CACNA1S: variants seen among roughly 807,000 people sequenced by gnomAD.
CACNA1S encodes the protein voltage-dependent L-type calcium channel subunit alpha-1S.
In CACNA1S, 126 loss-of-function variants were observed where a neutral mutation model predicts 207.4. The observed-to-expected ratio is 0.61, with a 90% confidence interval of 0.53 to 0.70. The LOEUF is 0.70. Ranked by LOEUF, CACNA1S falls within the 30% of genes least tolerant of loss-of-function variation. The probability of loss-of-function intolerance (pLI) is 0.00; values close to 1 mark genes in which losing one functional copy is unlikely to be tolerated. For missense variants in CACNA1S, 2,349 were observed against 2,422.8 expected, an observed-to-expected ratio of 0.97 and a Z score of 0.64; for synonymous variants, 960 against 932.7, an observed-to-expected ratio of 1.03 and a Z score of -0.53.
Position 201,053,576 on chromosome 1 carries a change from C to G in CACNA1S, c.3678G>C (p.Glu1226Asp), listed in dbSNP as rs769524894. ...GGGCGNVDPD[E>D]SARISSAFFR... is the part of the protein sequence containing the mutation. Reference sequence around the variant, plus strand: ...AGAAGGCGCTGGAGATGCGGGCACTCTCATCTGGGTCCTGCGGGGCAGCAG... The same window carrying G: ...AGAAGGCGCTGGAGATGCGGGCACTGTCATCTGGGTCCTGCGGGGCAGCAG... The change falls in exon 30 of 44, where the codon GAG becomes GAC. Residue 1226 changes from glutamate to aspartate, a missense_variant. Transcript: ENST00000362061. The surrounding 1 kb of genome is among the most constrained non-coding windows in gnomAD (Gnocchi z 5.1). The G allele has an allele frequency of 1.9e-6, 3 of 1,613,806 alleles. No individual in the cohort carries two copies. The highest frequency in any genetic ancestry group is 1.7e-5 in the Admixed American group (1 of 59,994).
intron 23 of CACNA1S, 76 bp downstream of exon 23, chr1:201,062,386 G>A (rs985243038): frequency 1.1e-5 from 16 of 1,422,022 alleles, no homozygotes; most frequent in African/African-American, 8.4e-5. Context: ...CCCTCCCACA[G>A]TGCTCCCTGC....
In CACNA1S at chr1:201,043,269, G is replaced by A; in HGVS notation, c.5048+12C>T. 6 of 1,614,146 alleles carry A rather than the reference G, an allele frequency of 3.7e-6. No homozygotes were observed. The highest frequency in any genetic ancestry group is 4.2e-6 in the Non-Finnish European group (5 of 1,180,036). ...TACCTCTACACCCAGGGATGGCAGT[G>A]GCCGCCACTACCTGGAAAACACATG... On this transcript the variant is annotated intron_variant, in intron 40 of 43. Coordinates refer to ENST00000362061, the MANE Select transcript of CACNA1S (RefSeq NM_000069.3).
At chr1:201,062,184 G>C in intron 23 of CACNA1S, 94 bp from the exon 24 acceptor site, 1 of 1,479,250 alleles carries the variant, frequency 6.8e-7, no homozygotes, top group Non-Finnish European at 9.3e-7. Context: ...GTGTGAAGGA[G>C]AAATGAAGTT....
rs773299419 is a variant in CACNA1S at position 201,112,172 on chromosome 1, G to A, written c.152+16C>T. 2.7e-5 allele frequency: 44 copies of A among 1,606,446 alleles called. No homozygotes were observed. The Admixed American group carries it at 5.2e-4, about 19-fold the overall frequency. ...TGACGCACACCCCCCCCCACGGCCC[G>A]GGCCCTGAAGGATACTTCCATTCTA... On this transcript the variant is annotated intron_variant, in intron 1 of 43. Coordinates refer to ENST00000362061, the MANE Select transcript of CACNA1S (RefSeq NM_000069.3).
At position 201,043,304 on chromosome 1, in the gene CACNA1S, A is replaced by G. The variant is rs751492580; in HGVS notation, c.5025T>C (p.His1675=). Residue 1675 remains histidine (H), a synonymous_variant, in exon 40 of 44, where the codon CAT becomes CAC. Coordinates refer to ENST00000362061, the MANE Select transcript of CACNA1S (RefSeq NM_000069.3). The part of the protein sequence containing the change: ...NANVAYGNSN[H]SNSHVFSSVH... ...ACCTGGAAAACACATGGCTGTTGCT[A>G]TGGTTGCTGTTGCCATAGGCGACAT... 15 of 1,614,114 alleles carry G rather than the reference A, an allele frequency of 9.3e-6. No individual in the cohort carries two copies. The highest frequency in any genetic ancestry group is 7.7e-5 in the South Asian group (7 of 91,084).
At chr1:201,054,330 G>C (rs1304030521) in intron 29 of CACNA1S, among the ~76,000 whole-genome samples, 175 bp downstream of exon 29, 1 of 152,174 alleles carries the variant, frequency 6.6e-6, no homozygotes, top group Admixed American at 6.5e-5. Flanking sequence ...ACACTTGACT[G>C]CAGAGCCTCT....
intron 26 of CACNA1S, among the ~76,000 whole-genome samples, chr1:201,059,790 C>T (rs558364651): frequency 6.6e-6 from 1 of 152,354 alleles, no homozygotes; most frequent in African/African-American, 2.4e-5. Flanking sequence ...CACACCACCC[C>T]CAGTGATTAT....
intron 2 of CACNA1S, among the ~76,000 whole-genome samples, chr1:201,102,501 A>G (rs902718649): frequency 6.6e-6 from 1 of 152,184 alleles, no homozygotes; most frequent in African/African-American, 2.4e-5. Context: ...TTCCATCAGC[A>G]AGCAACAGGA....
Position 201,077,886 on chromosome 1 carries a change from T to G in CACNA1S, c.1612A>C (p.Ile538Leu), listed in dbSNP as rs907125046. ...RCIRLLRIFK[I>L]TKYWTSLSNL... ...GCCGACCCCGGCACTCACTTGGTGA[T>G]CTTGAAGATCCTCAGGAGGCGGATG... The change falls in exon 11 of 44, where the codon ATC becomes CTC. Residue 538 changes from isoleucine to leucine, a missense_variant. Transcript: ENST00000362061. The G allele has an allele frequency of 9.3e-6, 15 of 1,613,308 alleles. No homozygotes were observed. Among genetic ancestry groups the G allele is most frequent in the Non-Finnish European group, 1.3e-5 (15 of 1,179,376 alleles).
intron 19 of CACNA1S, among the ~76,000 whole-genome samples, chr1:201,067,988 C>T (rs1295485088): frequency 6.6e-6 from 1 of 152,294 alleles, no homozygotes; most frequent in East Asian, 1.9e-4. Flanking sequence ...TAGATGGGTT[C>T]TCCTTCTGCC....
At chr1:201,087,952 C>G (rs1374808972) in intron 6 of CACNA1S, 23 bp from the exon 7 acceptor site, 1 of 1,513,258 alleles carries the variant, frequency 6.6e-7, no homozygotes, top group African/African-American at 1.4e-5. Context: ...GAAGTGTGAT[C>G]CTCTGAGTTG....
intron 6 of CACNA1S, 145 bp downstream of exon 6, chr1:201,089,113 A>G (rs552242178): frequency 6.6e-6 from 5 of 755,522 alleles, no homozygotes; most frequent in Non-Finnish European, 1.2e-5. Flanking sequence ...TCCTGTATAG[A>G]TTCCCCAGGG....
chr1:201,040,291 C>T lies in CACNA1S; in HGVS notation c.5310G>A (p.Arg1770=). The T allele has an allele frequency of 6.2e-7, 1 of 1,613,864 alleles. No individual in the cohort carries two copies. The highest frequency in any genetic ancestry group is 1.7e-4 in the Middle Eastern group (1 of 5,996). The change falls in exon 43 of 44, where the codon AGG becomes AGA. Residue 1770 remains arginine (R), a synonymous_variant. Transcript: ENST00000362061. ...GSLHEETPHS[R]STRENTSRCS... ...ACCTGGAAGTATTCTCCCTGGTGCTCCTGCTGTGGGGTGTCTCCTCATGAA... is the reference window on the plus strand; with the variant it reads ...ACCTGGAAGTATTCTCCCTGGTGCTTCTGCTGTGGGGTGTCTCCTCATGAA...
At position 201,043,387 on chromosome 1, in the gene CACNA1S, G is replaced by A; in HGVS notation, c.4942C>T (p.Pro1648Ser). Reference sequence around the variant, plus strand: ...AGGGGGTTGGTGCGTGGATCTTGTGGGAAGTCCTCCAAGAAGACAGGTGAC... The same window carrying A: ...AGGGGGTTGGTGCGTGGATCTTGTGAGAAGTCCTCCAAGAAGACAGGTGAC... ...MESPVFLEDFPQDPRTNPLAR... is the reference protein window; with the variant it reads ...MESPVFLEDFSQDPRTNPLAR... Residue 1648 changes from proline (P) to serine (S), a missense_variant, in exon 40 of 44, where the codon CCA (proline) becomes TCA (serine). Physicochemically the swap from Pro to Ser is moderately conservative, Grantham distance 74 (BLOSUM62 -1). Coordinates refer to ENST00000362061, the MANE Select transcript of CACNA1S (RefSeq NM_000069.3). 1 of 1,614,152 alleles carries A rather than the reference G, an allele frequency of 6.2e-7. No homozygotes were observed. The highest frequency in any genetic ancestry group is 8.5e-7 in the Non-Finnish European group (1 of 1,180,030).
At position 201,075,508 on chromosome 1, in the gene CACNA1S, G is replaced by A. The variant is rs550584336; in HGVS notation, c.1935C>T (p.Phe645=). The change falls in exon 13 of 44, where the codon TTC becomes TTT. Residue 645 remains phenylalanine, a synonymous_variant. Transcript: ENST00000362061. ...CCGAGAGGATACAGTTGCCACAGACGAAAAGGATGATGAAGTAAATGCACA... is the reference window on the plus strand; with the variant it reads ...CCGAGAGGATACAGTTGCCACAGACAAAAAGGATGATGAAGTAAATGCACA... ...MLVCIYFIIL[F]VCGNYILLNV... 156 of 1,611,684 alleles carry A rather than the reference G, an allele frequency of 9.7e-5. 1 individual carries two copies. In the Middle Eastern group the frequency reaches 1.3e-3, roughly 14 times the overall value.
At chr1:201,063,529 T>G (rs964601589) in intron 22 of CACNA1S, among the ~76,000 whole-genome samples, 1 of 152,110 alleles carries the variant, frequency 6.6e-6, no homozygotes, top group Non-Finnish European at 1.5e-5. Context: ...CCTCAAGTGA[T>G]CCGCCCGCCT....
chr1:201,060,556 G>T, intron 26 of CACNA1S, 102 bp downstream of exon 26: 1 of 1,281,234 alleles, frequency 7.8e-7, no homozygotes, highest in Non-Finnish European at 1.1e-6. Context: ...CACAAGAAAT[G>T]TCTACTGGGG....
Position 201,040,677 on chromosome 1 carries a change from C to A in CACNA1S, c.5171G>T (p.Gly1724Val), listed in dbSNP as rs765675902. Residue 1724 changes from glycine (G) to valine (V), a missense_variant, in exon 42 of 44, where the codon GGA (glycine) becomes GTA (valine). Gly to Val is a moderately radical substitution (Grantham distance 109). Coordinates refer to ENST00000362061, the MANE Select transcript of CACNA1S (RefSeq NM_000069.3). Reference sequence around the variant, plus strand: ...GGGCATTGCCCTCTGGGTCAGCAGTCCCTTCAGCATCTCCACACAGGGTTT... The same window carrying A: ...GGGCATTGCCCTCTGGGTCAGCAGTACCTTCAGCATCTCCACACAGGGTTT... ...HSKPCVEMLKGLLTQRAMPRG... is the reference protein window; with the variant it reads ...HSKPCVEMLKVLLTQRAMPRG... The A allele has an allele frequency of 1.2e-6, 2 of 1,614,106 alleles. No homozygotes were observed. Among genetic ancestry groups the A allele is most frequent in the Non-Finnish European group, 1.7e-6 (2 of 1,180,026 alleles).
intron 2 of CACNA1S, among the ~76,000 whole-genome samples, chr1:201,108,612 GC>G (rs1415116457): frequency 3.3e-5 from 5 of 152,108 alleles, no homozygotes; most frequent in African/African-American, 1.2e-4. Context: ...GGTGGCATTG[GC>G]CCTGCCAACA....
Sources: gnomAD v4.1 joint callset for allele counts (sites outside exome capture counted in the v4.1 genomes callset) on GRCh38, gnomAD v4.1.1 for gene constraint, Gnocchi (gnomAD v3.1) non-coding constraint, MANE v1.5 for transcripts, NCBI Gene and HGNC (gene_info 2026-07-23, HGNC 2026-07-21) for gene names.